Variants in PMVK observed in about 807,000 individuals in gnomAD.
PMVK encodes the protein testis tissue sperm-binding protein Li 95mP.
A neutral mutation model predicts 19.0 loss-of-function variants in PMVK; 10 were observed. That is an observed-to-expected ratio of 0.53 (90% CI 0.32 to 0.89). PMVK has a LOEUF of 0.89. Among genes scored for constraint, PMVK ranks in the 40% least tolerant of loss-of-function variants. The pLI is 0.03. For missense variants in PMVK, 222 were observed against 251.1 expected (o/e 0.88, Z 0.78); for synonymous variants, 108 against 101.6 (o/e 1.06, Z -0.38).
chr1:154,937,093 T>A (rs1654534247), upstream of PMVK: 2 of 183,108 alleles, frequency 1.1e-5, no homozygotes, highest in South Asian at 2.0e-4. Flanking sequence ...GTGAACCCCA[T>A]GTTCCCTTCC....
chr1:154,929,611 C>G lies in PMVK; in HGVS notation c.160-435G>C, dbSNP rs571012752. ...CATTGTTTGCCCCCATCCCAAATCC[C>G]ACGGAGATTGTGTCTCCTTTCTCTC... On this transcript the variant is annotated intron_variant, in intron 2 of 4. Coordinates refer to ENST00000368467, the MANE Select transcript of PMVK (RefSeq NM_006556.4). Among the ~76,000 whole-genome samples the G allele has an allele frequency of 1.1e-4, 16 of 152,234 alleles. No individual in the cohort carries two copies. The East Asian group carries it at 2.7e-3, about 26-fold the overall frequency.
chr1:154,925,086 C>CCCCCACCACACCAGG lies in PMVK; in HGVS notation c.*42_*43insCCTGGTGTGGTGGGG. On this transcript the variant is annotated 3_prime_UTR_variant, in exon 5 of 5. Transcript: ENST00000368467. ...CCCCCATTTTGCAGAGTCAGCCCCA[C>CCCCCACCACACCAGG]CCCCACCTCAGCAGGCCCCAGCTCA... is the stretch of plus-strand genomic sequence containing the variant. The CCCCCACCACACCAGG allele has an allele frequency of 5.0e-6, 7 of 1,406,674 alleles. No individual in the cohort carries two copies. Among genetic ancestry groups the CCCCCACCACACCAGG allele is most frequent in the Non-Finnish European group, 6.8e-6 (7 of 1,022,996 alleles). The allele number at this position is 1,406,674 out of a possible 1,614,324, so 87.1% of individuals were successfully genotyped here.
rs1292115177 is a variant in PMVK at position 154,924,878 on chromosome 1, G to A, written c.*251C>T. ...GGCACTGGGGATATGGCAGGGTTTC[G>A]CCTTCAAGCACAGCCAAGACACCCT... On this transcript the variant is annotated 3_prime_UTR_variant, in exon 5 of 5. Transcript: ENST00000368467. 5.4e-5 allele frequency: 27 copies of A among 499,456 alleles called. No homozygotes were observed. Among genetic ancestry groups the A allele is most frequent in the African/African-American group, 1.5e-4 (8 of 51,862 alleles). The allele number at this position is 499,456 out of a possible 1,614,324, so 30.9% of individuals were successfully genotyped here.
intron 3 of PMVK, among the ~76,000 whole-genome samples, chr1:154,927,499 C>A (rs1413798587): frequency 6.6e-6 from 1 of 151,574 alleles, no homozygotes; most frequent in Non-Finnish European, 1.5e-5. Context: ...CTCCACCCGG[C>A]CCCTGTGCTT....
At chr1:154,934,146 G>C (rs11799384) in intron 1 of PMVK, among the ~76,000 whole-genome samples, 31,528 of 151,960 alleles carry the variant, frequency 0.21, 7,372 homozygotes, top group African/African-American at 0.58. Context: ...ACTACAGGCC[G>C]GCGCCACCAC....
upstream of PMVK, among the ~76,000 whole-genome samples, chr1:154,938,732 G>A (rs1654583880): frequency 1.3e-5 from 2 of 152,016 alleles, no homozygotes; most frequent in Admixed American, 1.3e-4. Flanking sequence ...TGAGTCTATG[G>A]CCTCCCTTCC....
chr1:154,925,108 C>T lies in PMVK; in HGVS notation c.*21G>A, dbSNP rs764888770. On this transcript the variant is annotated 3_prime_UTR_variant, in exon 5 of 5. Coordinates refer to ENST00000368467, the MANE Select transcript of PMVK (RefSeq NM_006556.4). Reference sequence around the variant, plus strand: ...CCACCCCCACCTCAGCAGGCCCCAGCTCACTCCTAGAACCTAGTGACTAAA... The same window carrying T: ...CCACCCCCACCTCAGCAGGCCCCAGTTCACTCCTAGAACCTAGTGACTAAA... The T allele has an allele frequency of 5.6e-6, 9 of 1,608,620 alleles. No homozygotes were observed. The highest frequency in any genetic ancestry group is 6.8e-6 in the Non-Finnish European group (8 of 1,177,036).
upstream of PMVK, among the ~76,000 whole-genome samples, chr1:154,940,831 C>T (rs1196269115): frequency 2.6e-5 from 4 of 152,318 alleles, no homozygotes; most frequent in Middle Eastern, 3.4e-3. Context: ...CCTGCCACAT[C>T]GGGGAACCAA....
At position 154,924,970 on chromosome 1, in the gene PMVK, A is replaced by G. The variant is rs956216641; in HGVS notation, c.*159T>C. The G allele has an allele frequency of 8.0e-6, 6 of 751,492 alleles. No individual in the cohort carries two copies. In the African/African-American group the frequency reaches 8.7e-5, roughly 11 times the overall value. 46.6% of individuals were successfully genotyped at this position (751,492 alleles called of 1,614,324 possible). On this transcript the variant is annotated 3_prime_UTR_variant, in exon 5 of 5. Transcript: ENST00000368467. ...TCCCCATGGAGAAAATGAGGTCTCC[A>G]GAGGTTTCCTGCCTTGCCCAATATC...
upstream of PMVK, chr1:154,937,583 C>CAGTAGGTGACG (rs760024111): frequency 0.044 from 6,770 of 152,312 alleles, 219 homozygotes; most frequent in Middle Eastern, 0.15. Context: ...CCTGCATCCC[C>CAGTAGGTGACG]GGTTCTGCCT....
chr1:154,929,283 G>T, intron 2 of PMVK, 107 bp from the exon 3 acceptor site: 3 of 1,007,942 alleles, frequency 3.0e-6, no homozygotes, highest in Non-Finnish European at 1.5e-6. Flanking sequence ...CCCCAGGGCT[G>T]ATGCAAGGAT....
Position 154,925,024 on chromosome 1 carries a change from CCT to C in PMVK, c.*103_*104del, listed in dbSNP as rs1236228249. 13 of 1,052,422 alleles carry C rather than the reference CCT, an allele frequency of 1.2e-5. No homozygotes were observed. Among genetic ancestry groups the C allele is most frequent in the African/African-American group, 1.1e-4 (7 of 62,222 alleles). 65.2% of individuals were successfully genotyped at this position (1,052,422 alleles called of 1,614,324 possible). ...CAACCCCCTCAGAATCTAGACCCCCCCTGTCTGTTCCTCACCTCGGCCAGGAT... is the reference window on the plus strand; with the variant it reads ...CAACCCCCTCAGAATCTAGACCCCCCGTCTGTTCCTCACCTCGGCCAGGAT... On this transcript the variant is annotated 3_prime_UTR_variant, in exon 5 of 5. Coordinates refer to ENST00000368467, the MANE Select transcript of PMVK (RefSeq NM_006556.4).
upstream of PMVK, among the ~76,000 whole-genome samples, chr1:154,940,326 G>A (rs1654615865): frequency 6.6e-6 from 1 of 152,222 alleles, no homozygotes; most frequent in South Asian, 2.1e-4. Context: ...CCCCTCTGCT[G>A]AATGCCTCCC....
At chr1:154,936,306 G>T (rs1654502142) in intron 1 of PMVK, 1 of 776,754 alleles carries the variant, frequency 1.3e-6, no homozygotes, top group Non-Finnish European at 1.6e-6. Context: ...GGTATCCAAC[G>T]CCTGGTATAT....
chr1:154,931,039 T>C (rs1257199089), intron 2 of PMVK, among the ~76,000 whole-genome samples: 6 of 151,942 alleles, frequency 3.9e-5, no homozygotes, highest in Admixed American at 6.6e-5. Context: ...CAGTGAGCCA[T>C]TATGCGCCAC....
chr1:154,926,489 GGA>G lies in PMVK; in HGVS notation c.313-8_313-7del. On this transcript the variant is annotated splice_region_variant and splice_polypyrimidine_tract_variant and intron_variant, in intron 3 of 4. Coordinates refer to ENST00000368467, the MANE Select transcript of PMVK (RefSeq NM_006556.4). ...CTCCGTGTGTCACTCACCAGCTGCA[GGA>G]GAGGGACAGACAGGTGACCAACAGG... is the stretch of plus-strand genomic sequence containing the variant. 2 of 1,613,174 alleles carry G rather than the reference GGA, an allele frequency of 1.2e-6. No homozygotes were observed. Among genetic ancestry groups the G allele is most frequent in the Non-Finnish European group, 1.7e-6 (2 of 1,179,576 alleles).
At position 154,929,111 on chromosome 1, in the gene PMVK, G is replaced by A. The variant is rs1263310831; in HGVS notation, c.225C>T (p.Asp75=). ...GTTTCTCCTCTCCCCAGCGGATCAT[G>A]TCCTTCCGAAAGGCCTCCTTGTAGG... ...TSTYKEAFRK[D]MIRWGEEKRQ... is the part of the protein sequence containing the mutation. The change falls in exon 3 of 5, where the codon GAC becomes GAT. Residue 75 remains aspartate (D), a synonymous_variant. Coordinates refer to ENST00000368467, the MANE Select transcript of PMVK (RefSeq NM_006556.4). The A allele has an allele frequency of 5.0e-6, 8 of 1,614,058 alleles. No individual in the cohort carries two copies. Among genetic ancestry groups the A allele is most frequent in the African/African-American group, 1.3e-5 (1 of 75,044 alleles).
chr1:154,936,272 G>A, intron 1 of PMVK: 1 of 455,814 alleles, frequency 2.2e-6, no homozygotes, highest in South Asian at 9.2e-5. Context: ...CGTAGAGGCG[G>A]GGTCTCGCCA....
chr1:154,934,329 T>C (rs568769220), intron 1 of PMVK, among the ~76,000 whole-genome samples: 5 of 152,030 alleles, frequency 3.3e-5, no homozygotes, highest in Non-Finnish European at 7.4e-5. Flanking sequence ...TTTGGTTTGG[T>C]TTTTTAAGAG....
Sources: allele counts gnomAD v4.1 joint callset (sites outside exome capture counted in the v4.1 genomes callset), GRCh38; gene constraint gnomAD v4.1.1; transcripts MANE v1.5; gene names NCBI Gene and HGNC (gene_info 2026-07-23, HGNC 2026-07-21).